PDE1C: variants seen among roughly 807,000 people sequenced by gnomAD.
PDE1C encodes dual specificity calcium/calmodulin-dependent 3',5'-cyclic nucleotide phosphodiesterase 1C.
In PDE1C, 62 loss-of-function variants were observed where a neutral mutation model predicts 93.1. The ratio of observed to expected loss-of-function variants is 0.67; its 90% CI spans 0.54 to 0.82. PDE1C has a LOEUF of 0.82. Ranked by LOEUF, PDE1C falls within the 40% of genes least tolerant of loss-of-function variation. PDE1C has a pLI of 0.00. For missense variants in PDE1C, 742 were observed against 884.6 expected (o/e 0.84, Z 2.04); for synonymous variants, 325 against 310.1 (o/e 1.05, Z -0.50).
chr7:32,168,889 A>G (rs1036550277), intron 3 of PDE1C, among the ~76,000 whole-genome samples: 1 of 152,212 alleles, frequency 6.6e-6, no homozygotes, highest in African/African-American at 2.4e-5. Context: ...AATATATTTC[A>G]TGGAACTCCA....
intron 2 of PDE1C, among the ~76,000 whole-genome samples, chr7:31,941,850 T>G (rs1239744561): frequency 1.3e-5 from 2 of 152,192 alleles, no homozygotes; most frequent in African/African-American, 4.8e-5. Flanking sequence ...GTTCCTATGC[T>G]GGTCAAACAA....
chr7:32,221,098 T>G (rs1400359565), intron 1 of PDE1C, among the ~76,000 whole-genome samples: 2 of 152,216 alleles, frequency 1.3e-5, no homozygotes, highest in Non-Finnish European at 2.9e-5. Flanking sequence ...ACAACTGTCA[T>G]GAACTCAGAC....
At chr7:32,150,965 T>C (rs914401992) in intron 3 of PDE1C, among the ~76,000 whole-genome samples, 1 of 152,160 alleles carries the variant, frequency 6.6e-6, no homozygotes, top group Non-Finnish European at 1.5e-5. Flanking sequence ...ATGAGTTCTA[T>C]ATGACAAAGT....
At chr7:31,642,382 C>A in the PDE1C span, 5 of 719,654 alleles carry the variant, frequency 6.9e-6, no homozygotes, top group Non-Finnish European at 1.1e-5. Context: ...TTAAATCAAG[C>A]CACAATTGGA....
rs867442341 is a variant in PDE1C at position 32,420,338 on chromosome 7, T to C, written c.310+7484A>G. ...GTGTATATATATGTGTATATATATA[T>C]GTGTATATATATGTGTATATATATA... is the stretch of plus-strand genomic sequence containing the variant. On this transcript the variant is annotated intron_variant, in intron 1 of 1. Transcript: ENST00000672256. 3.4e-3 allele frequency among the ~76,000 whole-genome samples: 35 copies of C among 10,392 alleles called. 4 individuals are homozygous for C. Among genetic ancestry groups the C allele is most frequent in the East Asian group, 8.5e-3 (2 of 236 alleles). The allele number at this position is 10,392 out of a possible 152,430, so 6.8% of individuals were successfully genotyped here. A position where few individuals can be genotyped will look rare whatever the true frequency, so the allele number is the denominator to read the frequency against.
intron 2 of PDE1C, among the ~76,000 whole-genome samples, chr7:32,034,054 C>CTGTGTGTG (rs5883321): frequency 0.067 from 9,943 of 148,420 alleles, 400 homozygotes; most frequent in East Asian, 0.16. Flanking sequence ...AGATGAGAGA[C>CTGTGTGTG]TGTGTGTGTG....
At chr7:32,199,620 T>C (rs1176111049) in intron 2 of PDE1C, among the ~76,000 whole-genome samples, 2 of 152,242 alleles carry the variant, frequency 1.3e-5, no homozygotes, top group Non-Finnish European at 2.9e-5. Context: ...ATTTTACATT[T>C]CTTGAAGTTC....
At chr7:31,699,586 T>A in the PDE1C span, among the ~76,000 whole-genome samples, 1 of 152,154 alleles carries the variant, frequency 6.6e-6, no homozygotes, top group African/African-American at 2.4e-5. Flanking sequence ...TAATGGAATA[T>A]AGGCCTACCT....
chr7:31,680,677 T>C, the PDE1C span, among the ~76,000 whole-genome samples: 7 of 151,534 alleles, frequency 4.6e-5, no homozygotes, highest in Admixed American at 6.6e-5. Context: ...TCAAAGTCAG[T>C]GTGACTATGG....
intron 2 of PDE1C, among the ~76,000 whole-genome samples, chr7:32,208,471 G>C (rs1805768787): frequency 6.6e-6 from 1 of 151,302 alleles, no homozygotes; most frequent in Non-Finnish European, 1.5e-5. Context: ...ATACTAGAGA[G>C]GGAACGATGA....
At chr7:32,272,554 T>C (rs1342371950) in intron 1 of PDE1C, among the ~76,000 whole-genome samples, 3 of 152,250 alleles carry the variant, frequency 2.0e-5, no homozygotes, top group African/African-American at 7.2e-5. Flanking sequence ...ACTTTGACTT[T>C]TGACCAGCAA....
intron 16 of PDE1C, chr7:31,788,161 T>C (rs529052547): frequency 6.6e-6 from 1 of 152,264 alleles, no homozygotes; most frequent in South Asian, 2.1e-4. Flanking sequence ...TCTTGTTGCT[T>C]GTTAGATTAT....
upstream of PDE1C, among the ~76,000 whole-genome samples, chr7:32,076,257 T>G (rs956321921): frequency 6.6e-6 from 1 of 152,324 alleles, no homozygotes; most frequent in East Asian, 1.9e-4. Context: ...GATGGTCTAT[T>G]TCTCTTTTCT....
intron 2 of PDE1C, among the ~76,000 whole-genome samples, chr7:31,887,423 C>T (rs1253310092): frequency 1.3e-5 from 2 of 152,132 alleles, no homozygotes; most frequent in African/African-American, 2.4e-5. Context: ...AGCAGATGCA[C>T]ACATGGATTG....
chr7:32,332,222 A>T (rs1251500558), intron 1 of PDE1C, among the ~76,000 whole-genome samples: 7 of 152,194 alleles, frequency 4.6e-5, no homozygotes, highest in African/African-American at 1.7e-4. Flanking sequence ...TGAACAGAAG[A>T]TTTGAACAGG....
At chr7:32,082,803 G>A (rs1352762415) in intron 3 of PDE1C, among the ~76,000 whole-genome samples, 3 of 152,194 alleles carry the variant, frequency 2.0e-5, no homozygotes, top group Non-Finnish European at 2.9e-5. Context: ...CTGTCTATTA[G>A]AAGGAAAACT....
chr7:31,914,054 G>T (rs369182377), intron 2 of PDE1C, among the ~76,000 whole-genome samples: 2 of 152,186 alleles, frequency 1.3e-5, no homozygotes, highest in South Asian at 4.1e-4. Flanking sequence ...GTAAAAAAAG[G>T]GAAAATATAT....
chr7:32,317,010 G>C (rs1783188790), intron 1 of PDE1C, among the ~76,000 whole-genome samples: 3 of 152,056 alleles, frequency 2.0e-5, no homozygotes, highest in Admixed American at 2.0e-4. Flanking sequence ...CAAAGCACAG[G>C]GCACCGCCAC....
chr7:31,935,883 G>A (rs1389146013), intron 2 of PDE1C, among the ~76,000 whole-genome samples: 1 of 152,086 alleles, frequency 6.6e-6, no homozygotes, highest in Non-Finnish European at 1.5e-5. Flanking sequence ...CCTCAGCAGT[G>A]CTCCTGACAC....
Sources: allele counts gnomAD v4.1 joint callset (sites outside exome capture counted in the v4.1 genomes callset), GRCh38; gene constraint gnomAD v4.1.1; transcripts MANE v1.5; gene names NCBI Gene and HGNC (gene_info 2026-07-23, HGNC 2026-07-21).